The following PPARGC1A variants were observed in gnomAD, a reference collection of about 807,000 sequenced individuals.
PPARGC1A encodes PPARG coactivator 1 alpha.
PPARGC1A carries 25 observed loss-of-function variants against 88.7 expected under a neutral mutation model. That is an observed-to-expected ratio of 0.28 (90% confidence interval 0.21 to 0.39). The LOEUF is 0.39. Ranked by LOEUF, PPARGC1A falls within the 10% of genes least tolerant of loss-of-function variation. PPARGC1A has a pLI of 1.00. For synonymous variants in PPARGC1A, 363 were observed against 355.6 expected (o/e 1.02, Z -0.24); for missense variants, 880 against 968.7 (o/e 0.91, Z 1.22).
At chr4:23,869,762 G>A (rs1001188786) in intron 2 of PPARGC1A, among the ~76,000 whole-genome samples, 1 of 152,156 alleles carries the variant, frequency 6.6e-6, no homozygotes, top group Non-Finnish European at 1.5e-5. Context: ...TGCATTGCTG[G>A]GGTGGTGGCT....
chr4:24,342,730 G>A, the PPARGC1A span, among the ~76,000 whole-genome samples: 1 of 152,126 alleles, frequency 6.6e-6, no homozygotes, highest in African/African-American at 2.4e-5. Context: ...CTAAGTTTCA[G>A]GACAACTGAA....
At chr4:24,108,611 G>A in the PPARGC1A span, among the ~76,000 whole-genome samples, 3 of 152,102 alleles carry the variant, frequency 2.0e-5, no homozygotes. Flanking sequence ...CTCTGCAGGA[G>A]GAATCATTAT....
At position 23,799,453 on chromosome 4, in the gene PPARGC1A, T is replaced by C. The variant is rs182433938; in HGVS notation, c.2293+2277A>G. Among the ~76,000 whole-genome samples the C allele has an allele frequency of 3.9e-5, 6 of 152,272 alleles. No homozygotes were observed. The East Asian group carries it at 9.7e-4, about 25-fold the overall frequency. On this transcript the variant is annotated intron_variant, in intron 12 of 12. Coordinates refer to ENST00000264867, the MANE Select transcript of PPARGC1A (RefSeq NM_013261.5). ...AAATGAAGAAGCAGAACTGAAGGGG[T>C]TGAATTCTTTGCCCAACGGCAGTGG...
At chr4:23,820,256 T>G (rs1722756266) in intron 7 of PPARGC1A, among the ~76,000 whole-genome samples, 5 of 152,100 alleles carry the variant, frequency 3.3e-5, no homozygotes, top group Admixed American at 3.3e-4. Context: ...CATATATCAA[T>G]GGAGAAAAAA....
chr4:24,064,798 T>G, the PPARGC1A span, among the ~76,000 whole-genome samples: 1 of 152,036 alleles, frequency 6.6e-6, no homozygotes, highest in Admixed American at 6.5e-5. Context: ...ATGTGCATCT[T>G]ACTAGCTGAT....
At chr4:24,178,598 AAG>A in the PPARGC1A span, among the ~76,000 whole-genome samples, 4 of 152,230 alleles carry the variant, frequency 2.6e-5, no homozygotes, top group Non-Finnish European at 4.4e-5. Context: ...TACTTATTGA[AAG>A]AGACTGTCCG....
chr4:23,897,896 G>A (rs866552068), intron 1 of PPARGC1A, among the ~76,000 whole-genome samples: 6 of 152,316 alleles, frequency 3.9e-5, no homozygotes, highest in Middle Eastern at 3.4e-3. Context: ...CGAGTCATAT[G>A]TAAGACCGAG....
the PPARGC1A span, among the ~76,000 whole-genome samples, chr4:24,387,902 AAGAG>A: frequency 7.4e-5 from 3 of 40,442 alleles, no homozygotes; most frequent in African/African-American, 1.5e-4. Context: ...AAGAAAAAGA[AAGAG>A]AAAGAAAGAA....
chr4:24,203,798 C>T, the PPARGC1A span, among the ~76,000 whole-genome samples: 2 of 152,190 alleles, frequency 1.3e-5, no homozygotes, highest in Non-Finnish European at 2.9e-5. Flanking sequence ...AAGGAACGTG[C>T]AAAAGAACTT....
At chr4:24,408,809 C>T in the PPARGC1A span, among the ~76,000 whole-genome samples, 2,064 of 152,260 alleles carry the variant, frequency 0.014, 63 homozygotes, top group East Asian at 0.11. Flanking sequence ...AGACCCCAGA[C>T]GAAAACTGCC....
At chr4:24,157,682 T>G in the PPARGC1A span, among the ~76,000 whole-genome samples, 3 of 152,202 alleles carry the variant, frequency 2.0e-5, no homozygotes, top group African/African-American at 7.2e-5. Flanking sequence ...TTTTTCTCTT[T>G]CCTTCACCCT....
the PPARGC1A span, among the ~76,000 whole-genome samples, chr4:24,069,035 G>A: frequency 4.6e-5 from 7 of 152,172 alleles, no homozygotes; most frequent in African/African-American, 1.4e-4. Flanking sequence ...ACCATCTACA[G>A]CATTTATTAA....
the PPARGC1A span, among the ~76,000 whole-genome samples, chr4:24,111,240 GTTGTGTATATTGACTTCATTA>G: frequency 6.8e-4 from 104 of 152,234 alleles, no homozygotes; most frequent in African/African-American, 2.2e-3. Context: ...TTTCTTCAGT[GTTGTGTATATTGACTTCATTA>G]TTTGAAGCCT....
chr4:24,005,945 G>A, the PPARGC1A span, among the ~76,000 whole-genome samples: 1 of 152,162 alleles, frequency 6.6e-6, no homozygotes. Context: ...GACACAGCTT[G>A]ACAAGGTCAT....
chr4:24,101,335 T>C, the PPARGC1A span, among the ~76,000 whole-genome samples: 4 of 152,246 alleles, frequency 2.6e-5, no homozygotes, highest in Non-Finnish European at 5.9e-5. Flanking sequence ...TCACCAGCCA[T>C]GCTTCCTGTA....
chr4:23,871,651 G>A (rs1371331024), intron 2 of PPARGC1A, among the ~76,000 whole-genome samples: 1 of 152,140 alleles, frequency 6.6e-6, no homozygotes, highest in Non-Finnish European at 1.5e-5. Context: ...GGTTGGCAAG[G>A]ATCCCTGGAC....
At chr4:23,924,236 C>T in the PPARGC1A span, among the ~76,000 whole-genome samples, 1 of 152,222 alleles carries the variant, frequency 6.6e-6, no homozygotes, top group African/African-American at 2.4e-5. Flanking sequence ...AAAACAAATG[C>T]TTTGCCTTAT....
intron 10 of PPARGC1A, 130 bp downstream of exon 10, chr4:23,812,617 C>CA: frequency 1.4e-6 from 2 of 1,433,994 alleles, no homozygotes; most frequent in Non-Finnish European, 1.9e-6. Context: ...ATTTTAAAGC[C>CA]AAAAGGCTGA....
the PPARGC1A span, among the ~76,000 whole-genome samples, chr4:24,214,871 A>T: frequency 1.3e-5 from 2 of 152,134 alleles, no homozygotes; most frequent in Non-Finnish European, 2.9e-5. Flanking sequence ...AAGGCAAAAG[A>T]TCTACTTGGC....
Sources: allele counts gnomAD v4.1 joint callset (sites outside exome capture counted in the v4.1 genomes callset), GRCh38; gene constraint gnomAD v4.1.1; transcripts MANE v1.5; gene names NCBI Gene and HGNC (gene_info 2026-07-23, HGNC 2026-07-21).